Variants in SV2C observed in about 807,000 individuals in gnomAD.
SV2C encodes the protein synaptic vesicle glycoprotein 2C, also known as solute carrier family 22 member B3.
Under a neutral mutation model 79.7 loss-of-function variants are expected in SV2C, and 49 were observed. The ratio of observed to expected loss-of-function variants is 0.61; its 90% confidence interval spans 0.49 to 0.78. The LOEUF is 0.78. SV2C is among the 30% of genes least tolerant of loss of function. SV2C has a pLI of 0.00. For synonymous variants in SV2C, 334 were observed against 333.2 expected, an observed-to-expected ratio of 1.00 and a Z score of -0.03; for missense variants, 833 against 912.9, an observed-to-expected ratio of 0.91 and a Z score of 1.13.
chr5:76,013,106 T>C, the SV2C span, among the ~76,000 whole-genome samples: 1 of 152,238 alleles, frequency 6.6e-6, no homozygotes, highest in African/African-American at 2.4e-5. Context: ...TTTGGTTCCA[T>C]ATGAAATGTA....
Position 76,297,886 on chromosome 5 carries a change from G to A in SV2C, c.1503-908G>A, listed in dbSNP as rs149817481. Among the ~76,000 whole-genome samples, 1,209 of 152,260 alleles carry A rather than the reference G, an allele frequency of 7.9e-3. 8 individuals carry two copies. Among genetic ancestry groups the A allele is most frequent in the Middle Eastern group, 0.02 (6 of 294 alleles). ...TGACATAACAACTCCTTCCCGAGGAGAACAAGCATTTTCCTCTCAGTGACT... is the reference window on the plus strand; with the variant it reads ...TGACATAACAACTCCTTCCCGAGGAAAACAAGCATTTTCCTCTCAGTGACT... On this transcript the variant is annotated intron_variant, in intron 9 of 12. Coordinates refer to ENST00000502798, the MANE Select transcript of SV2C (RefSeq NM_014979.4).
At chr5:76,117,729 C>T (rs1463549917) in intron 1 of SV2C, among the ~76,000 whole-genome samples, 1 of 151,894 alleles carries the variant, frequency 6.6e-6, no homozygotes, top group Admixed American at 6.6e-5. Flanking sequence ...AAAATCCCTT[C>T]CTCATATAAC....
intron 1 of SV2C, among the ~76,000 whole-genome samples, chr5:76,117,255 T>C (rs992577146): frequency 6.6e-6 from 1 of 152,234 alleles, no homozygotes; most frequent in African/African-American, 2.4e-5. Flanking sequence ...AAATGAATTT[T>C]AAAATGTTTA....
intron 1 of SV2C, among the ~76,000 whole-genome samples, chr5:76,112,377 T>C (rs1359926311): frequency 6.6e-6 from 1 of 151,996 alleles, no homozygotes; most frequent in East Asian, 1.9e-4. Context: ...GGGGAGATAA[T>C]TGCAACACAG....
At chr5:76,155,806 G>T (rs907715491) in intron 2 of SV2C, among the ~76,000 whole-genome samples, 3 of 151,968 alleles carry the variant, frequency 2.0e-5, no homozygotes, top group African/African-American at 7.2e-5. Context: ...GTCTCCATCT[G>T]CAGTTCTAGA....
At chr5:76,057,376 C>T in the SV2C span, among the ~76,000 whole-genome samples, 1 of 151,652 alleles carries the variant, frequency 6.6e-6, no homozygotes, top group Non-Finnish European at 1.5e-5. Flanking sequence ...TATCCCACCC[C>T]CCTACCCCCA....
the SV2C span, among the ~76,000 whole-genome samples, chr5:75,923,615 C>T: frequency 6.6e-6 from 1 of 152,178 alleles, no homozygotes; most frequent in African/African-American, 2.4e-5. Flanking sequence ...CATAAATAGA[C>T]AATTCTCAAA....
At chr5:76,218,591 A>G (rs1228915209) in intron 4 of SV2C, among the ~76,000 whole-genome samples, 1 of 152,110 alleles carries the variant, frequency 6.6e-6, no homozygotes, top group Admixed American at 6.6e-5. Flanking sequence ...AACATCATAC[A>G]CCAAGGCCTG....
the SV2C span, among the ~76,000 whole-genome samples, chr5:75,957,603 T>G: frequency 1.3e-5 from 2 of 152,068 alleles, no homozygotes; most frequent in Admixed American, 6.6e-5. Flanking sequence ...AATCCAAACT[T>G]TCTTTGATCA....
the SV2C span, chr5:75,911,054 G>T: frequency 2.5e-6 from 3 of 1,202,658 alleles, no homozygotes; most frequent in South Asian, 3.6e-5. Flanking sequence ...TGAATCTGTC[G>T]CAACAACTGA....
intron 2 of SV2C, among the ~76,000 whole-genome samples, chr5:76,193,553 A>G (rs1477298820): frequency 6.6e-6 from 1 of 152,214 alleles, no homozygotes; most frequent in East Asian, 1.9e-4. Context: ...CAAAATAATT[A>G]ATAACAAGGA....
At chr5:75,943,447 A>C in the SV2C span, among the ~76,000 whole-genome samples, 37 of 152,216 alleles carry the variant, frequency 2.4e-4, no homozygotes, top group East Asian at 7.1e-3. Context: ...TTCTCAGAAC[A>C]CAATGTTCTC....
At chr5:75,994,445 C>CT in the SV2C span, among the ~76,000 whole-genome samples, 4 of 151,642 alleles carry the variant, frequency 2.6e-5, no homozygotes, top group East Asian at 8.3e-4. Flanking sequence ...ATCCTGACTT[C>CT]TTAAGAGTCT....
the SV2C span, among the ~76,000 whole-genome samples, chr5:75,900,070 A>G: frequency 4.6e-5 from 7 of 152,084 alleles, no homozygotes; most frequent in Non-Finnish European, 7.4e-5. Context: ...TTACATTTAA[A>G]GTTAATATTG....
intron 1 of SV2C, among the ~76,000 whole-genome samples, chr5:76,105,466 C>G: frequency 6.6e-6 from 1 of 152,188 alleles, no homozygotes; most frequent in Admixed American, 6.6e-5. Context: ...CTCTCGGTCC[C>G]TCAAACCAGT....
chr5:76,267,529 G>A (rs550905513), intron 4 of SV2C, among the ~76,000 whole-genome samples: 6 of 152,122 alleles, frequency 3.9e-5, no homozygotes, highest in Admixed American at 3.3e-4. Flanking sequence ...TTCTACTTAA[G>A]GTGATTCAAA....
chr5:75,850,628 A>T, the SV2C span, among the ~76,000 whole-genome samples: 1 of 116,152 alleles, frequency 8.6e-6, no homozygotes, highest in African/African-American at 3.9e-5. Context: ...CCTAGAACTT[A>T]AAGTATAATA....
At chr5:76,268,145 A>G (rs929659403) in intron 4 of SV2C, among the ~76,000 whole-genome samples, 2 of 152,150 alleles carry the variant, frequency 1.3e-5, no homozygotes, top group African/African-American at 4.8e-5. Context: ...CAAGGTTGCA[A>G]AGGATCTTGT....
intron 12 of SV2C, among the ~76,000 whole-genome samples, chr5:76,308,301 A>G (rs1019651654): frequency 2.6e-5 from 4 of 151,982 alleles, no homozygotes; most frequent in Non-Finnish European, 5.9e-5. Context: ...GGGAGTCCAC[A>G]CTCCCTTCCT....
Sources: allele counts gnomAD v4.1 joint callset (sites outside exome capture counted in the v4.1 genomes callset), GRCh38; gene constraint gnomAD v4.1.1; transcripts MANE v1.5; gene names NCBI Gene and HGNC (gene_info 2026-07-23, HGNC 2026-07-21).